The following CLSTN2 variants were observed in gnomAD, a reference collection of about 807,000 sequenced individuals.
CLSTN2 encodes calsyntenin 2, also known as calsyntenin-2.
In CLSTN2, 48 loss-of-function variants were observed where a neutral mutation model predicts 101.2. The observed-to-expected ratio is 0.47, with a 90% CI of 0.38 to 0.60. The LOEUF (loss-of-function observed/expected upper bound fraction) is 0.60, where lower values mean the gene tolerates loss of function less well. Ranked by LOEUF, CLSTN2 falls within the 20% of genes least tolerant of loss-of-function variation. CLSTN2 has a pLI of 0.00. For synonymous variants in CLSTN2, 481 were observed against 463.6 expected, an observed-to-expected ratio of 1.04 and a Z score of -0.48; for missense variants, 1,160 against 1,238.2, an observed-to-expected ratio of 0.94 and a Z score of 0.95.
intron 1 of CLSTN2, among the ~76,000 whole-genome samples, chr3:140,039,133 T>G (rs185126896): frequency 7.2e-5 from 11 of 152,324 alleles, no homozygotes; most frequent in African/African-American, 1.4e-4. Context: ...GTACCATAAT[T>G]TATTTAATCC....
chr3:140,128,700 A>G (rs1009791042), intron 1 of CLSTN2, among the ~76,000 whole-genome samples: 1 of 152,104 alleles, frequency 6.6e-6, no homozygotes, highest in Admixed American at 6.5e-5. Flanking sequence ...TAAATACCCC[A>G]ATTCCTCTCT....
In CLSTN2 at chr3:140,292,938, G is replaced by A. The variant is rs562278474; in HGVS notation, c.233-110691G>A. 2.0e-4 allele frequency among the ~76,000 whole-genome samples: 31 copies of A among 152,298 alleles called. 1 individual carries two copies. The South Asian group carries it at 6.4e-3, about 32-fold the overall frequency. ...GAGTCTCTGGTTGGTGGTTTGCCTG[G>A]AGTCACCCTGGCCTGCTGCCCAGGC... is the stretch of plus-strand genomic sequence containing the variant. On this transcript the variant is annotated intron_variant, in intron 2 of 16. Coordinates refer to ENST00000458420, the MANE Select transcript of CLSTN2 (RefSeq NM_022131.3).
intron 2 of CLSTN2, among the ~76,000 whole-genome samples, chr3:140,288,421 G>T (rs994280794): frequency 2.0e-5 from 3 of 152,104 alleles, no homozygotes; most frequent in Non-Finnish European, 4.4e-5. Context: ...CAGATATCCA[G>T]CTGTTCCAAG....
chr3:140,405,159 G>A (rs11718058), intron 4 of CLSTN2, among the ~76,000 whole-genome samples: 44,285 of 151,896 alleles, frequency 0.29, 8,340 homozygotes, highest in Non-Finnish European at 0.41. Flanking sequence ...CAGCCCTATT[G>A]CCTCTAGATG....
intron 1 of CLSTN2, among the ~76,000 whole-genome samples, chr3:140,005,135 T>C (rs1317624355): frequency 6.6e-6 from 1 of 152,132 alleles, no homozygotes; most frequent in Non-Finnish European, 1.5e-5. Flanking sequence ...AGACAAGCAC[T>C]AGAGACCTTG....
chr3:140,107,490 A>T (rs554531187), intron 1 of CLSTN2, among the ~76,000 whole-genome samples: 1 of 152,144 alleles, frequency 6.6e-6, no homozygotes, highest in Non-Finnish European at 1.5e-5. Flanking sequence ...TTTCACCCTC[A>T]ATGTGAGTGC....
At chr3:140,123,218 T>C (rs1005568887) in intron 1 of CLSTN2, among the ~76,000 whole-genome samples, 1 of 149,148 alleles carries the variant, frequency 6.7e-6, no homozygotes, top group Non-Finnish European at 1.5e-5. Flanking sequence ...GGTAGAAGAG[T>C]GGAAGGTCAA....
rs140362758 is a variant in CLSTN2 at position 140,395,388 on chromosome 3, C to T, written c.233-8241C>T. Among the ~76,000 whole-genome samples, 4 of 152,178 alleles carry T rather than the reference C, an allele frequency of 2.6e-5. No homozygotes were observed. In the East Asian group the frequency reaches 7.7e-4, roughly 29 times the overall value. On this transcript the variant is annotated intron_variant, in intron 2 of 16. Coordinates refer to ENST00000458420, the MANE Select transcript of CLSTN2 (RefSeq NM_022131.3). ...CTTTATACTTCCCACATCTCTTCCA[C>T]GTTTAGTGTGTCATTGTAGCCTCAT...
intron 1 of CLSTN2, among the ~76,000 whole-genome samples, chr3:140,103,332 A>G (rs1260700750): frequency 6.6e-6 from 1 of 152,172 alleles, no homozygotes; most frequent in Non-Finnish European, 1.5e-5. Flanking sequence ...TGAGTGATGC[A>G]CAGCTGACTT....
At chr3:140,564,872 G>T (rs1416949864) in intron 16 of CLSTN2, among the ~76,000 whole-genome samples, 1 of 152,178 alleles carries the variant, frequency 6.6e-6, no homozygotes, top group East Asian at 1.9e-4. Context: ...TCTACATCAT[G>T]CCCTTTGCCC....
At chr3:140,305,508 G>A (rs367885791) in intron 2 of CLSTN2, among the ~76,000 whole-genome samples, 5 of 152,240 alleles carry the variant, frequency 3.3e-5, no homozygotes, top group Middle Eastern at 3.4e-3. Flanking sequence ...CAGACACATC[G>A]TGAGAGGAAG....
At chr3:140,122,554 C>A (rs6764399) in intron 1 of CLSTN2, among the ~76,000 whole-genome samples, 29 of 152,120 alleles carry the variant, frequency 1.9e-4, no homozygotes, top group Non-Finnish European at 5.9e-5. Context: ...GCCTCTTGAG[C>A]GCTCTGCTGT....
chr3:140,311,155 A>T (rs1220663747), intron 2 of CLSTN2, among the ~76,000 whole-genome samples: 2 of 152,132 alleles, frequency 1.3e-5, no homozygotes, highest in Admixed American at 1.3e-4. Context: ...TACTGAATTC[A>T]GGCTAATATC....
intron 1 of CLSTN2, among the ~76,000 whole-genome samples, chr3:140,012,439 C>T (rs2007098306): frequency 6.6e-6 from 1 of 152,176 alleles, no homozygotes; most frequent in African/African-American, 2.4e-5. Flanking sequence ...AGGTCCCCAG[C>T]ATTCTCTTCC....
intron 1 of CLSTN2, among the ~76,000 whole-genome samples, chr3:140,109,276 C>T (rs1236900895): frequency 1.3e-5 from 2 of 152,160 alleles, no homozygotes; most frequent in Non-Finnish European, 2.9e-5. Flanking sequence ...ACCAGAAATC[C>T]AGGTATTACT....
chr3:140,359,047 C>A (rs1353173563), intron 2 of CLSTN2, among the ~76,000 whole-genome samples: 1 of 152,074 alleles, frequency 6.6e-6, no homozygotes, highest in Non-Finnish European at 1.5e-5. Context: ...AGTGTCACCT[C>A]TCATCTGCCA....
At chr3:140,374,940 G>C (rs2087900188) in intron 2 of CLSTN2, among the ~76,000 whole-genome samples, 1 of 152,228 alleles carries the variant, frequency 6.6e-6, no homozygotes, top group Admixed American at 6.5e-5. Context: ...CACCAGCCCA[G>C]CTTAAAGCCT....
intron 9 of CLSTN2, among the ~76,000 whole-genome samples, chr3:140,541,573 C>T (rs999884965): frequency 1.3e-5 from 2 of 152,182 alleles, no homozygotes; most frequent in Admixed American, 6.5e-5. Flanking sequence ...AGGGGGCACA[C>T]AAATATTTCT....
intron 1 of CLSTN2, among the ~76,000 whole-genome samples, chr3:140,004,257 T>C (rs772558734): frequency 6.6e-6 from 1 of 152,222 alleles, no homozygotes; most frequent in Non-Finnish European, 1.5e-5. Flanking sequence ...ACTTATAGAA[T>C]TAAAACAAAG....
Sources: gnomAD v4.1 joint callset for allele counts (sites outside exome capture counted in the v4.1 genomes callset) on GRCh38, gnomAD v4.1.1 for gene constraint, MANE v1.5 for transcripts, NCBI Gene and HGNC (gene_info 2026-07-23, HGNC 2026-07-21) for gene names.